The following MTUS2 variants were observed in gnomAD, a reference collection of about 807,000 sequenced individuals.
MTUS2 encodes microtubule associated scaffold protein 2, also known as microtubule-associated tumor suppressor candidate 2.
A neutral mutation model predicts 114.1 loss-of-function variants in MTUS2; 40 were observed. That is an observed-to-expected ratio of 0.35 (90% CI 0.27 to 0.46). The LOEUF (loss-of-function observed/expected upper bound fraction) is 0.46. MTUS2 is among the 20% of genes least tolerant of loss of function. MTUS2 has a pLI of 1.00. For missense variants in MTUS2, 1,679 were observed against 1,705.4 expected, an observed-to-expected ratio of 0.98 and a Z score of 0.27; for synonymous variants, 688 against 672.0, an observed-to-expected ratio of 1.02 and a Z score of -0.37.
intron 5 of MTUS2, among the ~76,000 whole-genome samples, chr13:29,271,243 T>G (rs1017304485): frequency 1.3e-5 from 2 of 152,342 alleles, no homozygotes; most frequent in South Asian, 4.1e-4. Context: ...TAACTTGTAC[T>G]TTCTGTCCCT....
chr13:29,376,254 T>C (rs1871737636), intron 8 of MTUS2, among the ~76,000 whole-genome samples: 2 of 152,148 alleles, frequency 1.3e-5, no homozygotes, highest in Non-Finnish European at 2.9e-5. Context: ...CACGTAGATA[T>C]GATTCAGAAG....
At chr13:29,151,960 C>T (rs1892678681) in intron 5 of MTUS2, among the ~76,000 whole-genome samples, 1 of 152,074 alleles carries the variant, frequency 6.6e-6, no homozygotes, top group Non-Finnish European at 1.5e-5. Context: ...ATTTTTGCAT[C>T]TATGTTCATT....
rs568270862 is a variant in MTUS2, at chr13:29,486,449, C to T, written c.3400-1451C>T. The stretch of plus-strand genomic sequence containing the variant: ...CAGGCTTCCTTTCTTGGGGAGAGCC[C>T]TTTCTCCATTCAGATCAAAGGTTAG... On this transcript the variant is annotated intron_variant, in intron 10 of 15. Transcript: ENST00000612955. 1.1e-4 allele frequency among the ~76,000 whole-genome samples: 17 copies of T among 152,284 alleles called. No individual in the cohort carries two copies. In the South Asian group the frequency reaches 3.5e-3, roughly 32 times the overall value.
chr13:28,994,918 T>C (rs1158276902), intron 2 of MTUS2, among the ~76,000 whole-genome samples: 1 of 152,198 alleles, frequency 6.6e-6, no homozygotes, highest in Non-Finnish European at 1.5e-5. Flanking sequence ...AGATCCCCTT[T>C]GTCAATTTTG....
At chr13:29,354,240 ATT>A (rs5802516) in intron 7 of MTUS2, among the ~76,000 whole-genome samples, 2,296 of 120,328 alleles carry the variant, frequency 0.019, 15 homozygotes, top group Non-Finnish European at 0.022. Flanking sequence ...TATTTTGGGC[ATT>A]TTTTTTTTTT....
chr13:28,993,428 G>T (rs1884949486), intron 2 of MTUS2, among the ~76,000 whole-genome samples: 1 of 152,252 alleles, frequency 6.6e-6, no homozygotes, highest in Non-Finnish European at 1.5e-5. Context: ...CCTGTGCATT[G>T]TCTGTTTACT....
intron 8 of MTUS2, among the ~76,000 whole-genome samples, chr13:29,381,163 C>T (rs1872175130): frequency 6.6e-6 from 1 of 152,154 alleles, no homozygotes; most frequent in Non-Finnish European, 1.5e-5. Flanking sequence ...TGTATCTGGG[C>T]TTCTGCCCAG....
intron 2 of MTUS2, among the ~76,000 whole-genome samples, chr13:28,901,286 G>A (rs1879628972): frequency 6.6e-6 from 1 of 151,998 alleles, no homozygotes; most frequent in Non-Finnish European, 1.5e-5. Flanking sequence ...TATGTGGTTT[G>A]CAAAGATTTT....
intron 5 of MTUS2, among the ~76,000 whole-genome samples, chr13:29,212,528 T>C (rs1895487565): frequency 6.6e-6 from 1 of 152,216 alleles, no homozygotes; most frequent in Non-Finnish European, 1.5e-5. Flanking sequence ...AGGTGCCAAC[T>C]ACAAGTAGTA....
chr13:29,148,044 T>C (rs1892507783), intron 5 of MTUS2, among the ~76,000 whole-genome samples: 1 of 152,224 alleles, frequency 6.6e-6, no homozygotes, highest in Non-Finnish European at 1.5e-5. Context: ...GCTGAATTAA[T>C]TTACATTCCC....
At chr13:29,003,220 A>C (rs368429295) in intron 2 of MTUS2, among the ~76,000 whole-genome samples, 2 of 151,920 alleles carry the variant, frequency 1.3e-5, no homozygotes, top group African/African-American at 2.4e-5. Flanking sequence ...AGCCTTTTGC[A>C]TAAATTAATG....
intron 5 of MTUS2, among the ~76,000 whole-genome samples, chr13:29,267,998 A>G (rs1176036397): frequency 4.6e-5 from 7 of 152,154 alleles, no homozygotes; most frequent in Non-Finnish European, 8.8e-5. Context: ...GAAGGTAGAC[A>G]TCAGATTTTT....
At chr13:29,344,631 A>C (rs1278656636) in intron 7 of MTUS2, among the ~76,000 whole-genome samples, 1 of 152,090 alleles carries the variant, frequency 6.6e-6, no homozygotes, top group Non-Finnish European at 1.5e-5. Context: ...TTTAAGTGGA[A>C]CATTTAGGCC....
At chr13:28,951,468 C>G (rs1566247008) in intron 2 of MTUS2, among the ~76,000 whole-genome samples, 1 of 152,050 alleles carries the variant, frequency 6.6e-6, no homozygotes, top group South Asian at 2.1e-4. Context: ...TCCTTCTCCT[C>G]CTAGTTTTGT....
At chr13:28,903,335 C>T (rs1015936510) in intron 2 of MTUS2, among the ~76,000 whole-genome samples, 2 of 151,658 alleles carry the variant, frequency 1.3e-5, no homozygotes, top group Non-Finnish European at 2.9e-5. Flanking sequence ...CATATGTATA[C>T]ATGTGCCATG....
intron 5 of MTUS2, among the ~76,000 whole-genome samples, chr13:29,181,905 G>A (rs1894023068): frequency 6.6e-6 from 1 of 151,636 alleles, no homozygotes; most frequent in African/African-American, 2.4e-5. Flanking sequence ...TACTCTTCTG[G>A]TATGGTTAAA....
intron 2 of MTUS2, among the ~76,000 whole-genome samples, chr13:28,903,047 T>G (rs988354468): frequency 6.6e-6 from 1 of 152,166 alleles, no homozygotes; most frequent in South Asian, 2.1e-4. Context: ...TGAGTTGTGG[T>G]AATTTGCGGT....
chr13:29,104,269 A>G (rs1890560282), intron 5 of MTUS2, among the ~76,000 whole-genome samples: 1 of 152,180 alleles, frequency 6.6e-6, no homozygotes, highest in African/African-American at 2.4e-5. Context: ...CTTACCATCC[A>G]GTTTACCACC....
rs563723484 is a variant in MTUS2, at chr13:28,977,511, T to C, written c.-242-46946T>C. Among the ~76,000 whole-genome samples the C allele has an allele frequency of 2.6e-5, 4 of 152,356 alleles. No individual in the cohort carries two copies. The East Asian group carries it at 7.7e-4, about 29-fold the overall frequency. On this transcript the variant is annotated intron_variant, in intron 2 of 15. Coordinates refer to ENST00000612955, the MANE Select transcript of MTUS2 (RefSeq NM_001033602.4). ...ACTTCCTCCTAAACTTTCTGTAATA[T>C]AACCTACGAGGTAATTGGTTTTCTT...
Sources: gnomAD v4.1 joint callset for allele counts (sites outside exome capture counted in the v4.1 genomes callset) on GRCh38, gnomAD v4.1.1 for gene constraint, MANE v1.5 for transcripts, NCBI Gene and HGNC (gene_info 2026-07-23, HGNC 2026-07-21) for gene names.